The following NECTIN1 variants were observed in gnomAD, a reference collection of about 807,000 sequenced individuals.
NECTIN1 encodes nectin cell adhesion molecule 1, also known as nectin-1.
A neutral mutation model predicts 48.0 loss-of-function variants in NECTIN1; 23 were observed. That is an observed-to-expected ratio of 0.48 (90% confidence interval 0.34 to 0.68). NECTIN1 has a LOEUF of 0.68. Ranked by LOEUF, NECTIN1 falls within the 30% of genes least tolerant of loss-of-function variation. The pLI is 0.01. For synonymous variants in NECTIN1, 270 were observed against 288.9 expected (o/e 0.93, Z 0.66); for missense variants, 591 against 709.9 (o/e 0.83, Z 1.90).
intron 5 of NECTIN1, among the ~76,000 whole-genome samples, chr11:119,669,925 CT>C (rs976183135): frequency 6.6e-6 from 1 of 151,902 alleles, no homozygotes; most frequent in Non-Finnish European, 1.5e-5. Flanking sequence ...CCCTTACTCT[CT>C]TTTTTTCCTC....
intron 5 of NECTIN1, among the ~76,000 whole-genome samples, chr11:119,654,791 A>G (rs1010410342): frequency 4.0e-5 from 6 of 151,014 alleles, no homozygotes; most frequent in Non-Finnish European, 8.8e-5. Flanking sequence ...GGCTGGTCTC[A>G]AACTCCTGAC....
chr11:119,690,406 T>C (rs2135561510), intron 1 of NECTIN1, among the ~76,000 whole-genome samples: 2 of 152,066 alleles, frequency 1.3e-5, no homozygotes, highest in East Asian at 3.9e-4. Context: ...ACCTCCGAGC[T>C]GGGGGGTGGC....
At chr11:119,670,805 C>T (rs1037077926) in intron 5 of NECTIN1, among the ~76,000 whole-genome samples, 1 of 152,030 alleles carries the variant, frequency 6.6e-6, no homozygotes, top group Non-Finnish European at 1.5e-5. Context: ...CACTGCCACA[C>T]CCGGCTAATA....
intron 1 of NECTIN1, among the ~76,000 whole-genome samples, chr11:119,705,687 C>T (rs971563566): frequency 2.0e-5 from 3 of 152,224 alleles, no homozygotes; most frequent in Non-Finnish European, 2.9e-5. Context: ...ATCTGTGACC[C>T]GGCTTTGTTT....
chr11:119,669,723 C>G (rs969252719), intron 5 of NECTIN1, among the ~76,000 whole-genome samples: 17 of 152,172 alleles, frequency 1.1e-4, no homozygotes, highest in African/African-American at 3.6e-4. Flanking sequence ...GCTTGCCCCA[C>G]TCCTGGCACA....
At chr11:119,699,845 T>G (rs541448261) in intron 1 of NECTIN1, among the ~76,000 whole-genome samples, 1 of 152,194 alleles carries the variant, frequency 6.6e-6, no homozygotes, top group African/African-American at 2.4e-5. Flanking sequence ...GTGTAGTGTG[T>G]ACCCCACCAG....
chr11:119,710,202 C>T (rs994895596), intron 1 of NECTIN1, among the ~76,000 whole-genome samples: 11 of 152,238 alleles, frequency 7.2e-5, no homozygotes, highest in Admixed American at 6.5e-5. Context: ...CACCCAAGCA[C>T]ACATGTGCAG....
Position 119,663,667 on chromosome 11 carries a change from G to C in NECTIN1, c.*1080C>G, listed in dbSNP as rs1864709710. The C allele has an allele frequency of 1.0e-6, 1 of 985,386 alleles. No individual in the cohort carries two copies. Among genetic ancestry groups the C allele is most frequent in the Non-Finnish European group, 1.2e-6 (1 of 829,954 alleles). 61.0% of individuals were successfully genotyped at this position (985,386 alleles called of 1,614,324 possible). A position where few individuals can be genotyped will look rare whatever the true frequency, so the allele number is the denominator to read the frequency against. ...TGACTCCTGCAGGTGGATCCCCCTG[G>C]GATCCCAGCCCTGACTAGCCAAAAG... On this transcript the variant is annotated 3_prime_UTR_variant, in exon 6 of 6. Coordinates refer to ENST00000264025, the MANE Select transcript of NECTIN1 (RefSeq NM_002855.5).
In NECTIN1 at chr11:119,660,999, T is replaced by TAAAC. The variant is rs1346571313; in HGVS notation, c.*3744_*3747dup. 1.0e-6 allele frequency: 1 copy of TAAAC among 978,870 alleles called. No individual in the cohort carries two copies. Among genetic ancestry groups the TAAAC allele is most frequent in the Admixed American group, 6.1e-5 (1 of 16,266 alleles). The allele number at this position is 978,870 out of a possible 1,614,324, so 60.6% of individuals were successfully genotyped here. On this transcript the variant is annotated 3_prime_UTR_variant, in exon 6 of 6. Coordinates refer to ENST00000264025, the MANE Select transcript of NECTIN1 (RefSeq NM_002855.5). ...TGATGGGATGCAAACCAGTTTGTTT[T>TAAAC]AAACACTTTATTTATAAAAAAGTAC...
intron 1 of NECTIN1, among the ~76,000 whole-genome samples, chr11:119,720,995 C>T (rs1215757678): frequency 6.6e-6 from 1 of 152,160 alleles, no homozygotes; most frequent in Middle Eastern, 3.2e-3. Context: ...CTAGGGTCCC[C>T]AACTCCCTAC....
chr11:119,654,419 C>T (rs192824144), intron 5 of NECTIN1, among the ~76,000 whole-genome samples: 148 of 152,228 alleles, frequency 9.7e-4, no homozygotes, highest in Middle Eastern at 6.8e-3. Flanking sequence ...GGGGGTAGGC[C>T]AGGTTCAGGG....
chr11:119,652,270 A>G (rs1379214832), intron 5 of NECTIN1, among the ~76,000 whole-genome samples: 1 of 152,122 alleles, frequency 6.6e-6, no homozygotes. Flanking sequence ...CCTCATGCCA[A>G]TCACTCTGTT....
At chr11:119,717,560 A>C (rs2134341594) in intron 1 of NECTIN1, among the ~76,000 whole-genome samples, 1 of 152,292 alleles carries the variant, frequency 6.6e-6, no homozygotes, top group East Asian at 1.9e-4. Context: ...AAAATAATCC[A>C]GTGCAGTGTG....
intron 1 of NECTIN1, among the ~76,000 whole-genome samples, chr11:119,689,833 C>T (rs1245224499): frequency 6.6e-6 from 1 of 152,206 alleles, no homozygotes; most frequent in South Asian, 2.1e-4. Flanking sequence ...TCTTGGACAG[C>T]GAGTGGGGAT....
chr11:119,668,549 G>A (rs541849110), intron 5 of NECTIN1, among the ~76,000 whole-genome samples: 3 of 152,110 alleles, frequency 2.0e-5, no homozygotes, highest in African/African-American at 4.8e-5. Context: ...AGTTTGCCCC[G>A]CCAGGAGTGC....
At chr11:119,670,922 A>G (rs1864853856) in intron 5 of NECTIN1, among the ~76,000 whole-genome samples, 1 of 151,940 alleles carries the variant, frequency 6.6e-6, no homozygotes, top group Non-Finnish European at 1.5e-5. Context: ...TACAGGTGTG[A>G]GCCACCACGC....
At chr11:119,681,605 G>A (rs1191572496) in intron 1 of NECTIN1, among the ~76,000 whole-genome samples, 3 of 152,176 alleles carry the variant, frequency 2.0e-5, no homozygotes, top group Non-Finnish European at 4.4e-5. Context: ...GGTGGGGAGG[G>A]TGCTGCAAGG....
chr11:119,706,291 T>C (rs1455893701), intron 1 of NECTIN1, among the ~76,000 whole-genome samples: 1 of 152,098 alleles, frequency 6.6e-6, no homozygotes, highest in East Asian at 1.9e-4. Flanking sequence ...ATTAGACAGG[T>C]TTGTTTTTGT....
chr11:119,710,276 G>T (rs987655187), intron 1 of NECTIN1, among the ~76,000 whole-genome samples: 1 of 152,238 alleles, frequency 6.6e-6, no homozygotes, highest in African/African-American at 2.4e-5. Flanking sequence ...GTGCGGGAAG[G>T]TCAGGCAGAG....
Sources: allele counts gnomAD v4.1 joint callset (sites outside exome capture counted in the v4.1 genomes callset), GRCh38; gene constraint gnomAD v4.1.1; transcripts MANE v1.5; gene names NCBI Gene and HGNC (gene_info 2026-07-23, HGNC 2026-07-21).